IFFO1: variants seen among roughly 807,000 people sequenced by gnomAD.
IFFO1 encodes the protein intermediate filament family orphan 1.
IFFO1 carries 42 observed loss-of-function variants against 59.6 expected under a neutral mutation model. The observed-to-expected ratio is 0.70, with a 90% confidence interval of 0.55 to 0.91. IFFO1 has a LOEUF of 0.91. IFFO1 is among the 40% of genes least tolerant of loss of function. The pLI, the probability that IFFO1 is intolerant of heterozygous loss-of-function variation, is 0.00. For synonymous variants in IFFO1, 336 were observed against 342.8 expected, an observed-to-expected ratio of 0.98 and a Z score of 0.22; for missense variants, 711 against 793.2, an observed-to-expected ratio of 0.90 and a Z score of 1.24.
chr12:6,549,027 C>T lies in IFFO1; in HGVS notation c.1081-178G>A, dbSNP rs73264803. 1,668 of 617,362 alleles carry T rather than the reference C, an allele frequency of 2.7e-3. 23 individuals carry two copies. In the African/African-American group the frequency reaches 0.027, roughly 10 times the overall value. 38.2% of individuals were successfully genotyped at this position (617,362 alleles called of 1,614,324 possible). A position where few individuals can be genotyped will look rare whatever the true frequency, so the allele number is the denominator to read the frequency against. ...CAGTCACCAAGGGCCAGACACACAG[C>T]GGGGGTCAGGGCTGCAAACCGAGAA... is the stretch of plus-strand genomic sequence containing the variant. On this transcript the variant is annotated intron_variant, in intron 5 of 9. Transcript: ENST00000619571. This position sits in a 1 kb window ranked among gnomAD's most constrained non-coding sequence, Gnocchi z 5.0.
chr12:6,555,153 A>T lies in IFFO1; in HGVS notation c.773+104T>A. ...CTCCTCATTACACAGCACAAACTTT[A>T]CTCTCATTCTTTTCACCCCTGATTC... On this transcript the variant is annotated intron_variant, in intron 1 of 9. Transcript: ENST00000619571. The surrounding 1 kb of genome is among the most constrained non-coding windows in gnomAD (Gnocchi z 8.6). The T allele has an allele frequency of 8.7e-7, 1 of 1,145,710 alleles. No individual in the cohort carries two copies. Among genetic ancestry groups the T allele is most frequent in the Non-Finnish European group, 1.3e-6 (1 of 758,490 alleles). The allele number at this position is 1,145,710 out of a possible 1,614,324, so 71.0% of individuals were successfully genotyped here.
Position 6,548,340 on chromosome 12 carries a change from G to A in IFFO1, c.1383+85C>T, listed in dbSNP as rs1592213129. On this transcript the variant is annotated intron_variant, in intron 7 of 9. Coordinates refer to ENST00000619571, the MANE Select transcript of IFFO1 (RefSeq NM_001193457.2). The surrounding 1 kb of genome is among the most constrained non-coding windows in gnomAD (Gnocchi z 6.1). ...GTAGAGGATGACAGCCACATGGGGGGACAGAGCAAGGAGAGGAGCGGGGGA... is the reference window on the plus strand; with the variant it reads ...GTAGAGGATGACAGCCACATGGGGGAACAGAGCAAGGAGAGGAGCGGGGGA... 6.0e-6 allele frequency: 9 copies of A among 1,494,012 alleles called. No homozygotes were observed. The highest frequency in any genetic ancestry group is 8.2e-6 in the Non-Finnish European group (9 of 1,091,560). The allele number at this position is 1,494,012 out of a possible 1,614,324, so 92.5% of individuals were successfully genotyped here.
Position 6,548,098 on chromosome 12 carries a change from C to A in IFFO1, c.1446G>T (p.Glu482Asp). 2 of 1,614,046 alleles carry A rather than the reference C, an allele frequency of 1.2e-6. No homozygotes were observed. The highest frequency in any genetic ancestry group is 1.7e-6 in the Non-Finnish European group (2 of 1,179,894). The change falls in exon 8 of 10, where the codon GAG becomes GAT. Residue 482 changes from glutamate (E) to aspartate (D), a missense_variant. Glu to Asp is a conservative substitution (Grantham distance 45). This residue lies in a region of IFFO1 where 579 missense variants were observed against 650.3 expected (regional missense o/e 0.89). Coordinates refer to ENST00000619571, the MANE Select transcript of IFFO1 (RefSeq NM_001193457.2). The surrounding 1 kb of genome is among the most constrained non-coding windows in gnomAD (Gnocchi z 6.1). ...GGTCAATGGTCTCCTGATACTCCTT[C>A]TCCCGGGTTTTGAACAGGGACTCCG... ...KDTESLFKTR[E>D]KEYQETIDQI...
intron 1 of IFFO1, chr12:6,551,836 C>T (rs753004314): frequency 6.8e-6 from 2 of 294,450 alleles, no homozygotes; most frequent in South Asian, 3.1e-5. Flanking sequence ...GGACGACACC[C>T]TGGGCCACAG....
At chr12:6,554,466 T>A (rs1055936003) in intron 1 of IFFO1, among the ~76,000 whole-genome samples, 1 of 152,222 alleles carries the variant, frequency 6.6e-6, no homozygotes, top group African/African-American at 2.4e-5. Flanking sequence ...CCCTTGCCCC[T>A]TGGGGCCGGG....
chr12:6,545,888 A>G (rs1477313911), intron 8 of IFFO1, among the ~76,000 whole-genome samples: 1 of 152,214 alleles, frequency 6.6e-6, no homozygotes, highest in Non-Finnish European at 1.5e-5. Context: ...ATGGCCCCAA[A>G]GCACAAGAGT....
chr12:6,541,558 CGT>C lies in IFFO1; in HGVS notation c.1562_1563del (p.Asp521GlyfsTer27). On this transcript the variant is annotated frameshift_variant, in exon 9 of 10. Transcript: ENST00000619571. LOFTEE classifies it high-confidence loss of function. This position sits in a 1 kb window ranked among gnomAD's most constrained non-coding sequence, Gnocchi z 4.8. ...MEMCSMKRGL[D>X]VQMETCRRLI... Reference sequence around the variant, plus strand: ...AGCCGGCGGCAGGTCTCCATCTGCACGTCCAGGCCGCGCTTCATGCTGCACAT... The same window carrying C: ...AGCCGGCGGCAGGTCTCCATCTGCACCCAGGCCGCGCTTCATGCTGCACAT... 6.2e-7 allele frequency: 1 copy of C among 1,614,184 alleles called. No individual in the cohort carries two copies. Among genetic ancestry groups the C allele is most frequent in the East Asian group, 2.2e-5 (1 of 44,880 alleles).
chr12:6,539,815 C>G lies in IFFO1; in HGVS notation c.*668G>C, dbSNP rs1251099455. 2 of 154,350 alleles carry G rather than the reference C, an allele frequency of 1.3e-5. No homozygotes were observed. The highest frequency in any genetic ancestry group is 2.9e-5 in the Non-Finnish European group (2 of 69,358). 9.6% of individuals were successfully genotyped at this position (154,350 alleles called of 1,614,324 possible). On this transcript the variant is annotated 3_prime_UTR_variant, in exon 10 of 10. Transcript: ENST00000619571. ...TCTGCAGTGACCAGGAGAGCAAGAG[C>G]TCCCACCTCCCTTCAAAACACTGTG...
At chr12:6,553,463 A>T (rs60047524) in intron 1 of IFFO1, among the ~76,000 whole-genome samples, 3,561 of 152,302 alleles carry the variant, frequency 0.023, 154 homozygotes, top group African/African-American at 0.082. Context: ...GGGTGGCAGA[A>T]CGATGATTTC....
intron 1 of IFFO1, among the ~76,000 whole-genome samples, chr12:6,554,522 C>T (rs1356419205): frequency 6.6e-6 from 1 of 152,252 alleles, no homozygotes; most frequent in Non-Finnish European, 1.5e-5. Context: ...GCACCGGGCC[C>T]GCCCCGCGGC....
intron 8 of IFFO1, among the ~76,000 whole-genome samples, chr12:6,545,641 T>C (rs1946920819): frequency 6.7e-6 from 1 of 149,386 alleles, no homozygotes; most frequent in Non-Finnish European, 1.5e-5. Flanking sequence ...GAGCTTGCAG[T>C]GAGCCGAGTT....
At chr12:6,545,713 A>AAC (rs1592207741) in intron 8 of IFFO1, among the ~76,000 whole-genome samples, 1 of 151,548 alleles carries the variant, frequency 6.6e-6, no homozygotes. Flanking sequence ...AAAAAAAAAA[A>AAC]ACCTCACTCT....
chr12:6,553,633 A>G (rs1033365336), intron 1 of IFFO1, among the ~76,000 whole-genome samples: 1 of 151,948 alleles, frequency 6.6e-6, no homozygotes, highest in Non-Finnish European at 1.5e-5. Context: ...AGGCATGGAC[A>G]TGGTAGTGCA....
In IFFO1 at chr12:6,541,430, C is replaced by G. The variant is rs1946704261; in HGVS notation, c.1610+82G>C. 1 of 1,557,826 alleles carries G rather than the reference C, an allele frequency of 6.4e-7. No homozygotes were observed. The highest frequency in any genetic ancestry group is 1.3e-5 in the African/African-American group (1 of 74,088). The stretch of plus-strand genomic sequence containing the variant: ...CAGCAAGATGTGACCCAGTCATTGC[C>G]TGAGGGTCTCTGGGGCTGTGTTCCA... On this transcript the variant is annotated intron_variant, in intron 9 of 9. Coordinates refer to ENST00000619571, the MANE Select transcript of IFFO1 (RefSeq NM_001193457.2). This position sits in a 1 kb window ranked among gnomAD's most constrained non-coding sequence, Gnocchi z 4.8.
At chr12:6,553,120 G>T (rs1947306310) in intron 1 of IFFO1, among the ~76,000 whole-genome samples, 1 of 152,126 alleles carries the variant, frequency 6.6e-6, no homozygotes, top group Admixed American at 6.5e-5. Flanking sequence ...CCAGGCAGAA[G>T]ACAGGAGTTA....
rs1946646331 is a variant in IFFO1, at chr12:6,540,420, C to T, written c.*63G>A. The T allele has an allele frequency of 1.5e-6, 2 of 1,327,014 alleles. No homozygotes were observed. The highest frequency in any genetic ancestry group is 2.3e-5 in the East Asian group (1 of 43,566). 82.2% of individuals were successfully genotyped at this position (1,327,014 alleles called of 1,614,324 possible). A position where few individuals can be genotyped will look rare whatever the true frequency, so the allele number is the denominator to read the frequency against. Reference sequence around the variant, plus strand: ...AGCTGATGTTCCCCTCTGTGCAGCCCCACCCTCTGCCTCGCTGAGCTCCCT... The same window carrying T: ...AGCTGATGTTCCCCTCTGTGCAGCCTCACCCTCTGCCTCGCTGAGCTCCCT... On this transcript the variant is annotated 3_prime_UTR_variant, in exon 10 of 10. Transcript: ENST00000619571.
At position 6,555,706 on chromosome 12, in the gene IFFO1, C is replaced by G. The variant is rs200862905; in HGVS notation, c.324G>C (p.Ala108=). The stretch of plus-strand genomic sequence containing the variant: ...GCCGGCCCTGCTTACCCTCCTCCAG[C>G]GCTTGCTGCAGTTGCTTCTCCAACA... The part of the protein sequence containing the change: ...NRLLEKQLQQ[A]LEEGKQGRRG... Residue 108 remains alanine (A), a synonymous_variant, in exon 1 of 10, where the codon GCG becomes GCC. Coordinates refer to ENST00000619571, the MANE Select transcript of IFFO1 (RefSeq NM_001193457.2). This position sits in a 1 kb window ranked among gnomAD's most constrained non-coding sequence, Gnocchi z 8.6. 7.4e-5 allele frequency: 120 copies of G among 1,612,242 alleles called. No individual in the cohort carries two copies. The highest frequency in any genetic ancestry group is 3.3e-4 in the Middle Eastern group (2 of 6,046).
chr12:6,546,493 T>A (rs998169071), intron 8 of IFFO1, among the ~76,000 whole-genome samples: 17 of 152,202 alleles, frequency 1.1e-4, no homozygotes, highest in African/African-American at 3.9e-4. Context: ...TTCCTTTGTT[T>A]GTATTTTTGA....
chr12:6,540,640 C>T (rs544663795), intron 9 of IFFO1, 52 bp from the exon 10 acceptor site: 1 of 1,444,124 alleles, frequency 6.9e-7, no homozygotes, highest in East Asian at 2.3e-5. Context: ...ATCCTGAAGA[C>T]GGACGGCACT....
Sources: allele counts gnomAD v4.1 joint callset (sites outside exome capture counted in the v4.1 genomes callset), GRCh38; gene constraint gnomAD v4.1.1; regional missense constraint gnomAD v4.1.1; non-coding constraint Gnocchi (gnomAD v3.1); transcripts MANE v1.5; gene names NCBI Gene and HGNC (gene_info 2026-07-23, HGNC 2026-07-21).